Variants in ENPP2 observed in about 807,000 individuals in gnomAD.
The protein encoded by ENPP2 is ectonucleotide pyrophosphatase/phosphodiesterase 2.
A neutral mutation model predicts 120.2 loss-of-function variants in ENPP2; 51 were observed. The observed-to-expected ratio is 0.42, with a 90% CI of 0.34 to 0.54. ENPP2 has a LOEUF of 0.54. ENPP2 is among the 20% of genes least tolerant of loss of function. The pLI, the probability that ENPP2 is intolerant of heterozygous loss-of-function variation, is 0.04. For synonymous variants in ENPP2, 365 were observed against 366.4 expected, an observed-to-expected ratio of 1.00 and a Z score of 0.04; for missense variants, 920 against 1,066.5, an observed-to-expected ratio of 0.86 and a Z score of 1.91.
intron 4 of ENPP2, 146 bp from the exon 5 acceptor site, chr8:119,619,450 A>T: frequency 1.7e-6 from 1 of 605,322 alleles, no homozygotes; most frequent in African/African-American, 1.9e-5. Context: ...AAAAAAATCT[A>T]GTGTCTGGTT....
chr8:119,617,437 T>C (rs1253060382), intron 6 of ENPP2, 29 bp downstream of exon 6: 3 of 1,474,626 alleles, frequency 2.0e-6, no homozygotes, highest in South Asian at 1.2e-5. Flanking sequence ...AGATTACAGA[T>C]AAGAACACAG....
intron 1 of ENPP2, among the ~76,000 whole-genome samples, chr8:119,656,220 TC>T (rs1315525258): frequency 6.6e-6 from 1 of 152,178 alleles, no homozygotes; most frequent in Non-Finnish European, 1.5e-5. Context: ...TTCCCTTTCC[TC>T]CTAAGAACTG....
chr8:119,664,721 C>A (rs1818021112), intron 1 of ENPP2, among the ~76,000 whole-genome samples: 2 of 152,094 alleles, frequency 1.3e-5, no homozygotes, highest in Non-Finnish European at 2.9e-5. Context: ...GTAGGCAGAT[C>A]ACTTGAGGTC....
intron 11 of ENPP2, 115 bp downstream of exon 11, chr8:119,600,563 T>A (rs1020252386): frequency 1.2e-5 from 8 of 686,496 alleles, no homozygotes; most frequent in African/African-American, 1.8e-5. Context: ...TGACTTTGCA[T>A]AAACCTTGTA....
At chr8:119,601,330 G>T in intron 10 of ENPP2, 67 bp downstream of exon 10, 1 of 1,085,386 alleles carries the variant, frequency 9.2e-7, no homozygotes, top group Non-Finnish European at 1.4e-6. Context: ...CCACAGTCTA[G>T]TGTTTCACGC....
In ENPP2 at chr8:119,568,102, G is replaced by T. The variant is rs994630293; in HGVS notation, c.2131+73C>A. The stretch of plus-strand genomic sequence containing the variant: ...ATTCTTATTAAAATTAACAGAGGTA[G>T]AAAAGGTAAGGGGTAAATTTAGAAA... On this transcript the variant is annotated intron_variant, in intron 22 of 24. Transcript: ENST00000075322. The T allele has an allele frequency of 6.2e-6, 5 of 812,700 alleles. No homozygotes were observed. The African/African-American group carries it at 8.6e-5, about 14-fold the overall frequency. 50.3% of individuals were successfully genotyped at this position (812,700 alleles called of 1,614,324 possible). A position where few individuals can be genotyped will look rare whatever the true frequency, so the allele number is the denominator to read the frequency against.
chr8:119,616,138 A>G, intron 8 of ENPP2, 127 bp downstream of exon 8: 2 of 773,620 alleles, frequency 2.6e-6, no homozygotes, highest in Non-Finnish European at 4.1e-6. Flanking sequence ...AAAGTATCAA[A>G]AGACAGAAAC....
intron 24 of ENPP2, among the ~76,000 whole-genome samples, chr8:119,561,016 TATG>T (rs1813883178): frequency 6.6e-6 from 1 of 152,236 alleles, no homozygotes; most frequent in African/African-American, 2.4e-5. Flanking sequence ...CTGCTCCTGC[TATG>T]ATATCTACTA....
At chr8:119,634,351 G>A (rs1816873519) in intron 2 of ENPP2, among the ~76,000 whole-genome samples, 1 of 151,966 alleles carries the variant, frequency 6.6e-6, no homozygotes, top group African/African-American at 2.4e-5. Context: ...GAATTTAATG[G>A]CCATCAGTAG....
At chr8:119,561,357 G>A (rs11784229) in intron 24 of ENPP2, among the ~76,000 whole-genome samples, 23,749 of 152,130 alleles carry the variant, frequency 0.16, 2,455 homozygotes, top group Non-Finnish European at 0.23. Flanking sequence ...TAGTGACTCT[G>A]TCTAACACAC....
chr8:119,668,398 T>A (rs1306781168), intron 1 of ENPP2, among the ~76,000 whole-genome samples: 2 of 151,500 alleles, frequency 1.3e-5, no homozygotes, highest in Non-Finnish European at 2.9e-5. Context: ...TTCTATACTT[T>A]TTTTTTCTTT....
chr8:119,561,785 CTTTGTGTGTGTGTGTGTGTGTGTGTGTG>C, intron 24 of ENPP2, among the ~76,000 whole-genome samples: 1 of 134,548 alleles, frequency 7.4e-6, no homozygotes, highest in Non-Finnish European at 1.6e-5. Context: ...CTTGCTCTTG[CTTTGTGTGTGTGTGTGTGTGTGTGTGTG>C]TTTGTGTGTG....
At chr8:119,575,506 G>A (rs1442776567) in intron 19 of ENPP2, among the ~76,000 whole-genome samples, 2 of 152,112 alleles carry the variant, frequency 1.3e-5, no homozygotes, top group Non-Finnish European at 2.9e-5. Flanking sequence ...GCCACAAAAT[G>A]TATATGAAAA....
chr8:119,655,260 G>A (rs548220589), intron 1 of ENPP2, among the ~76,000 whole-genome samples: 24 of 152,296 alleles, frequency 1.6e-4, no homozygotes, highest in African/African-American at 5.1e-4. Flanking sequence ...TCTCTGACAC[G>A]TCTGTGTCTC....
rs1587391897 is a variant in ENPP2, at chr8:119,584,425, C to T, written c.1368-376G>A. Among the ~76,000 whole-genome samples the T allele has an allele frequency of 2.0e-5, 3 of 152,126 alleles. No homozygotes were observed. In the South Asian group the frequency reaches 6.2e-4, roughly 32 times the overall value. On this transcript the variant is annotated intron_variant, in intron 15 of 24. Coordinates refer to ENST00000075322, the MANE Select transcript of ENPP2 (RefSeq NM_001040092.3). ...CTGGTTCACTTCTATGTACCCCTCC[C>T]TAGGGTCAGTGTCAAGACATAGTTG... is the stretch of plus-strand genomic sequence containing the variant.
intron 1 of ENPP2, among the ~76,000 whole-genome samples, chr8:119,668,511 C>A (rs1199463737): frequency 6.7e-6 from 1 of 148,994 alleles, no homozygotes; most frequent in Non-Finnish European, 1.5e-5. Flanking sequence ...CTCACTGCAA[C>A]CTCCACCTCC....
intron 15 of ENPP2, among the ~76,000 whole-genome samples, chr8:119,585,625 C>T (rs1813051873): frequency 6.6e-6 from 1 of 152,094 alleles, no homozygotes; most frequent in African/African-American, 2.4e-5. Context: ...GTTAGAGCCT[C>T]CAGACATGTC....
intron 20 of ENPP2, among the ~76,000 whole-genome samples, chr8:119,570,279 A>G (rs1468412111): frequency 5.7e-5 from 4 of 69,806 alleles, no homozygotes; most frequent in Admixed American, 2.3e-4. Context: ...AAAACATTAG[A>G]AAAAAAAAAA....
At chr8:119,631,407 C>T (rs574068249) in intron 2 of ENPP2, among the ~76,000 whole-genome samples, 3 of 149,646 alleles carry the variant, frequency 2.0e-5, no homozygotes, top group Admixed American at 1.3e-4. Flanking sequence ...TAGTACAGAC[C>T]GGGTTTCACC....
Sources: gnomAD v4.1 joint callset for allele counts (sites outside exome capture counted in the v4.1 genomes callset) on GRCh38, gnomAD v4.1.1 for gene constraint, MANE v1.5 for transcripts, NCBI Gene and HGNC (gene_info 2026-07-23, HGNC 2026-07-21) for gene names.